MIR2052HG: variants seen among roughly 807,000 people sequenced by gnomAD.
MIR2052HG encodes MIR2052 host gene.
intron 4 of MIR2052HG, among the ~76,000 whole-genome samples, chr8:74,747,370 A>G (rs1809898663): frequency 6.6e-6 from 1 of 152,194 alleles, no homozygotes. Flanking sequence ...ATAATTCTAT[A>G]AGATCCTCTA....
At chr8:74,721,858 G>C (rs1025972222) in intron 4 of MIR2052HG, among the ~76,000 whole-genome samples, 56 of 152,156 alleles carry the variant, frequency 3.7e-4, no homozygotes, top group African/African-American at 1.3e-3. Flanking sequence ...ACTATCTTTG[G>C]AGACTACCTA....
chr8:74,743,466 G>A (rs1767068637), intron 4 of MIR2052HG, among the ~76,000 whole-genome samples: 2 of 152,168 alleles, frequency 1.3e-5, no homozygotes, highest in African/African-American at 4.8e-5. Flanking sequence ...CTAGTTACTG[G>A]AGAAATGGTT....
chr8:74,617,458 T>G (rs537349637), intron 2 of MIR2052HG, among the ~76,000 whole-genome samples: 2,801 of 17,406 alleles, frequency 0.16, 72 homozygotes, highest in African/African-American at 0.46. Flanking sequence ...TTCCATTGGG[T>G]GTGTGTGTGT....
chr8:74,697,995 A>G (rs1226046345), intron 2 of MIR2052HG, among the ~76,000 whole-genome samples: 1 of 152,148 alleles, frequency 6.6e-6, no homozygotes, highest in Non-Finnish European at 1.5e-5. Flanking sequence ...TCACAGAACT[A>G]GAAAAAATAA....
At chr8:74,611,409 G>A (rs192918572) in intron 1 of MIR2052HG, among the ~76,000 whole-genome samples, 1 of 152,020 alleles carries the variant, frequency 6.6e-6, no homozygotes, top group Non-Finnish European at 1.5e-5. Flanking sequence ...AGAATTTGGC[G>A]ATTTTTAAAA....
intron 1 of MIR2052HG, among the ~76,000 whole-genome samples, chr8:74,603,039 CAAA>C (rs34579564): frequency 7.3e-5 from 9 of 124,000 alleles, no homozygotes; most frequent in African/African-American, 9.1e-5. Flanking sequence ...AACAAAACAC[CAAA>C]AAAAAAAAAA....
intron 2 of MIR2052HG, among the ~76,000 whole-genome samples, chr8:74,622,478 C>T (rs543660689): frequency 1.3e-5 from 2 of 152,048 alleles, no homozygotes; most frequent in Non-Finnish European, 2.9e-5. Context: ...GTGGCATGCT[C>T]CTGCAGTCCC....
chr8:74,666,273 A>G (rs1226685028), intron 2 of MIR2052HG, among the ~76,000 whole-genome samples: 1 of 152,194 alleles, frequency 6.6e-6, no homozygotes, highest in East Asian at 1.9e-4. Flanking sequence ...AAGAGATAAA[A>G]TCACATAATT....
intron 2 of MIR2052HG, among the ~76,000 whole-genome samples, chr8:74,655,498 A>G (rs960378455): frequency 3.9e-5 from 6 of 152,234 alleles, no homozygotes; most frequent in African/African-American, 9.6e-5. Context: ...GGGCCAAGGT[A>G]CAGCTCGGCC....
At chr8:74,650,707 G>T (rs1001351359) in intron 2 of MIR2052HG, among the ~76,000 whole-genome samples, 3 of 152,070 alleles carry the variant, frequency 2.0e-5, no homozygotes, top group Non-Finnish European at 4.4e-5. Flanking sequence ...AATAGTACCT[G>T]TTGGTGAATT....
chr8:74,711,039 C>A (rs1049629094), intron 4 of MIR2052HG, among the ~76,000 whole-genome samples: 4 of 152,154 alleles, frequency 2.6e-5, no homozygotes, highest in Admixed American at 1.3e-4. Flanking sequence ...GTGGTCCCTA[C>A]TTTTGACATT....
At chr8:74,696,964 A>G (rs1364051007) in intron 2 of MIR2052HG, among the ~76,000 whole-genome samples, 1 of 152,162 alleles carries the variant, frequency 6.6e-6, no homozygotes, top group Non-Finnish European at 1.5e-5. Context: ...TCCCTAAATC[A>G]TTCTATAATA....
chr8:74,671,990 G>A (rs1375986475), intron 2 of MIR2052HG, among the ~76,000 whole-genome samples: 1 of 152,000 alleles, frequency 6.6e-6, no homozygotes, highest in African/African-American at 2.4e-5. Context: ...CACAAAGCAG[G>A]ATACCTTTTT....
Position 74,725,336 on chromosome 8 carries a change from G to A in MIR2052HG, n.371+21654G>A, listed in dbSNP as rs187455924. Among the ~76,000 whole-genome samples the A allele has an allele frequency of 8.5e-5, 13 of 152,294 alleles. 1 individual carries two copies. The East Asian group carries it at 1.9e-3, about 23-fold the overall frequency. On this transcript the variant is annotated intron_variant and non_coding_transcript_variant, in intron 4 of 6. Transcript: ENST00000523442. ...CACTCACTTAGCGTCTAGGAGTCAG[G>A]TGGGCTCGTTCCTGCTCTTCCTTTC... is the stretch of plus-strand genomic sequence containing the variant.
At position 74,671,034 on chromosome 8, in the gene MIR2052HG, TG is replaced by T. The variant is rs554866665; in HGVS notation, n.217-31344del. Among the ~76,000 whole-genome samples the T allele has an allele frequency of 2.2e-3, 333 of 152,096 alleles. 1 individual carries two copies. Among genetic ancestry groups the T allele is most frequent in the Non-Finnish European group, 3.7e-3 (251 of 67,978 alleles). Reference sequence around the variant, plus strand: ...TGAATCACTTTCTAGGAAAGATAAATGTAGACAAGTGATCTCTAACCTGTAA... The same window carrying T: ...TGAATCACTTTCTAGGAAAGATAAATTAGACAAGTGATCTCTAACCTGTAA... On this transcript the variant is annotated intron_variant and non_coding_transcript_variant, in intron 2 of 6. Coordinates refer to ENST00000523442, the Ensembl canonical transcript of MIR2052HG.
intron 1 of MIR2052HG, among the ~76,000 whole-genome samples, chr8:74,608,570 C>A (rs1378214747): frequency 1.3e-5 from 2 of 151,836 alleles, no homozygotes; most frequent in Non-Finnish European, 2.9e-5. Flanking sequence ...AAATATTTAC[C>A]AAGATAGACC....
intron 4 of MIR2052HG, among the ~76,000 whole-genome samples, chr8:74,732,204 G>A (rs1346096): frequency 0.11 from 16,117 of 152,078 alleles, 1,936 homozygotes; most frequent in African/African-American, 0.3. Context: ...AGCTATTTGC[G>A]TGACATCTAC....
In MIR2052HG at chr8:74,725,344, G is replaced by A. The variant is rs1259812026; in HGVS notation, n.371+21662G>A. Among the ~76,000 whole-genome samples the A allele has an allele frequency of 2.0e-5, 3 of 152,176 alleles. No individual in the cohort carries two copies. In the East Asian group the frequency reaches 5.8e-4, roughly 29 times the overall value. ...TAGCGTCTAGGAGTCAGGTGGGCTC[G>A]TTCCTGCTCTTCCTTTCTGTAACCT... On this transcript the variant is annotated intron_variant and non_coding_transcript_variant, in intron 4 of 6. Coordinates refer to ENST00000523442, the Ensembl canonical transcript of MIR2052HG.
intron 1 of MIR2052HG, chr8:74,612,783 G>A (rs916955902): frequency 9.4e-6 from 4 of 424,002 alleles, no homozygotes; most frequent in Non-Finnish European, 1.9e-5. Context: ...CTTTCTTCAT[G>A]TGAGTGTAGT....
Sources: allele counts gnomAD v4.1 joint callset (sites outside exome capture counted in the v4.1 genomes callset), GRCh38; gene constraint gnomAD v4.1.1; transcripts MANE v1.5; gene names NCBI Gene and HGNC (gene_info 2026-07-23, HGNC 2026-07-21).